The following PTPRD variants were observed in gnomAD, a reference collection of about 807,000 sequenced individuals.
The protein encoded by PTPRD is receptor-type tyrosine-protein phosphatase delta.
In PTPRD, 34 loss-of-function variants were observed where a neutral mutation model predicts 214.5. That is an observed-to-expected ratio of 0.16 (90% confidence interval 0.12 to 0.21). The LOEUF (loss-of-function observed/expected upper bound fraction) is 0.21. Ranked by LOEUF, PTPRD falls within the 10% of genes least tolerant of loss-of-function variation. The pLI is 1.00. For missense variants in PTPRD, 2,545 were observed against 2,398.7 expected (o/e 1.06, Z -1.27); for synonymous variants, 1,128 against 845.7 (o/e 1.33, Z -5.79).
Position 9,241,607 on chromosome 9 carries a change from T to C in PTPRD, c.-202-58244A>G, listed in dbSNP as rs145757876. Among the ~76,000 whole-genome samples, 1,115 of 152,218 alleles carry C rather than the reference T, an allele frequency of 7.3e-3. 12 individuals carry two copies. Among genetic ancestry groups the C allele is most frequent in the African/African-American group, 0.025 (1,031 of 41,548 alleles). On this transcript the variant is annotated intron_variant, in intron 9 of 45. Coordinates refer to ENST00000381196, the MANE Select transcript of PTPRD (RefSeq NM_002839.4). ...GGGTAAAAAATGTCCCTTTGTCTTC[T>C]TTGTCTCTTTTGATCTTTGTTGGTT...
At chr9:9,784,876 A>G (rs1032258443) in intron 5 of PTPRD, among the ~76,000 whole-genome samples, 55 of 147,586 alleles carry the variant, frequency 3.7e-4, no homozygotes, top group African/African-American at 1.3e-3. Context: ...ATACACACAC[A>G]CACGCACACA....
At chr9:10,458,400 A>G (rs1243194037) in intron 2 of PTPRD, among the ~76,000 whole-genome samples, 1 of 152,200 alleles carries the variant, frequency 6.6e-6, no homozygotes, top group Non-Finnish European at 1.5e-5. Context: ...TATGCAAATC[A>G]ACCAATGGAT....
At chr9:9,676,791 T>C (rs1395869577) in intron 7 of PTPRD, among the ~76,000 whole-genome samples, 1 of 152,082 alleles carries the variant, frequency 6.6e-6, no homozygotes, top group Admixed American at 6.6e-5. Context: ...GCACCTGTTG[T>C]TTCCTGACTT....
intron 8 of PTPRD, among the ~76,000 whole-genome samples, chr9:9,516,410 C>T (rs1343549612): frequency 1.3e-5 from 2 of 151,750 alleles, no homozygotes; most frequent in Non-Finnish European, 2.9e-5. Context: ...AAGATGAACA[C>T]CTTACATAAA....
chr9:9,969,412 T>C (rs2154041175), intron 4 of PTPRD, among the ~76,000 whole-genome samples: 1 of 152,266 alleles, frequency 6.6e-6, no homozygotes, highest in South Asian at 2.1e-4. Context: ...ATCAAGGAGA[T>C]AGAGGGTACT....
At chr9:8,644,372 T>A (rs891777812) in intron 12 of PTPRD, among the ~76,000 whole-genome samples, 3 of 152,194 alleles carry the variant, frequency 2.0e-5, no homozygotes, top group Admixed American at 6.5e-5. Flanking sequence ...ATAAAGCTCT[T>A]CTTCGTCTTG....
intron 8 of PTPRD, among the ~76,000 whole-genome samples, chr9:9,535,859 G>T: frequency 6.6e-6 from 1 of 152,016 alleles, no homozygotes; most frequent in East Asian, 1.9e-4. Flanking sequence ...CACAGGAGAA[G>T]GAGGTACAGG....
chr9:8,816,514 G>C (rs2096921807), intron 11 of PTPRD, among the ~76,000 whole-genome samples: 1 of 152,144 alleles, frequency 6.6e-6, no homozygotes. Flanking sequence ...GTTTAGGAAA[G>C]GTTCCTAAAG....
intron 35 of PTPRD, among the ~76,000 whole-genome samples, chr9:8,417,870 A>G (rs2094057735): frequency 6.6e-6 from 1 of 152,222 alleles, no homozygotes; most frequent in African/African-American, 2.4e-5. Flanking sequence ...ACACAGATAT[A>G]CTAACAATGA....
chr9:9,679,196 G>A (rs914755292), intron 7 of PTPRD, among the ~76,000 whole-genome samples: 3 of 149,988 alleles, frequency 2.0e-5, no homozygotes, highest in East Asian at 2.0e-4. Context: ...TAGCACAAAC[G>A]TGCCTTATCT....
intron 2 of PTPRD, among the ~76,000 whole-genome samples, chr9:10,415,831 T>C (rs2098481913): frequency 6.6e-6 from 1 of 151,596 alleles, no homozygotes; most frequent in African/African-American, 2.4e-5. Flanking sequence ...GAGAATATCA[T>C]AAGGACATTT....
intron 2 of PTPRD, among the ~76,000 whole-genome samples, chr9:10,393,368 T>C (rs1022573744): frequency 1.3e-5 from 2 of 151,800 alleles, no homozygotes; most frequent in African/African-American, 2.4e-5. Flanking sequence ...TACATATTTC[T>C]TATGATCCAT....
At chr9:8,373,852 A>ATGTGTGTGTG (rs1564367284) in intron 39 of PTPRD, among the ~76,000 whole-genome samples, 1 of 113,044 alleles carries the variant, frequency 8.8e-6, no homozygotes, top group African/African-American at 4.1e-5. Flanking sequence ...ATGTATGTGT[A>ATGTGTGTGTG]TGTGTCTGTC....
intron 11 of PTPRD, among the ~76,000 whole-genome samples, chr9:8,898,117 C>T (rs780680604): frequency 3.3e-5 from 5 of 152,118 alleles, no homozygotes; most frequent in Admixed American, 1.3e-4. Context: ...CTGAAAGTTT[C>T]CCCTCCTCAT....
At chr9:9,259,275 C>A (rs926163010) in intron 9 of PTPRD, among the ~76,000 whole-genome samples, 1 of 151,830 alleles carries the variant, frequency 6.6e-6, no homozygotes, top group Non-Finnish European at 1.5e-5. Context: ...AAGAGAAAGA[C>A]CCACAGAGGT....
intron 3 of PTPRD, among the ~76,000 whole-genome samples, chr9:10,154,566 G>C (rs555785522): frequency 6.6e-6 from 1 of 152,036 alleles, no homozygotes; most frequent in Non-Finnish European, 1.5e-5. Flanking sequence ...TTATTGCCTA[G>C]GTTGTCTTCC....
chr9:8,410,435 G>A (rs974067321), intron 35 of PTPRD, among the ~76,000 whole-genome samples: 1 of 152,134 alleles, frequency 6.6e-6, no homozygotes, highest in Admixed American at 6.6e-5. Context: ...TCAACCTAGT[G>A]TCAGGTGTGT....
chr9:8,335,149 G>A (rs948108398), intron 43 of PTPRD, among the ~76,000 whole-genome samples: 17 of 152,016 alleles, frequency 1.1e-4, no homozygotes, highest in African/African-American at 3.9e-4. Context: ...CTCATTTTAT[G>A]AGGCCAGCAT....
intron 11 of PTPRD, among the ~76,000 whole-genome samples, chr9:8,843,794 T>C (rs2097622407): frequency 6.6e-6 from 1 of 152,140 alleles, no homozygotes; most frequent in Non-Finnish European, 1.5e-5. Flanking sequence ...ACCCCATTTC[T>C]GCAGTGTAAC....
Sources: gnomAD v4.1 joint callset for allele counts (sites outside exome capture counted in the v4.1 genomes callset) on GRCh38, gnomAD v4.1.1 for gene constraint, MANE v1.5 for transcripts, NCBI Gene and HGNC (gene_info 2026-07-23, HGNC 2026-07-21) for gene names.